HNRNPR: variants seen among roughly 807,000 people sequenced by gnomAD.
HNRNPR encodes the protein heterogeneous nuclear ribonucleoprotein R.
HNRNPR carries 4 observed loss-of-function variants against 70.3 expected under a neutral mutation model. That is an observed-to-expected ratio of 0.06 (90% confidence interval 0.03 to 0.13). The LOEUF (loss-of-function observed/expected upper bound fraction) is 0.13. Ranked by LOEUF, HNRNPR falls within the 10% of genes least tolerant of loss-of-function variation. HNRNPR has a pLI of 1.00. For synonymous variants in HNRNPR, 241 were observed against 267.6 expected (o/e 0.90, Z 0.97); for missense variants, 423 against 788.5 (o/e 0.54, Z 5.55).
rs1009070353 is a variant in HNRNPR, at chr1:23,309,083, T to C, written c.*1371A>G. 1 of 152,040 alleles carries C rather than the reference T, an allele frequency of 6.6e-6. No homozygotes were observed. The highest frequency in any genetic ancestry group is 2.4e-5 in the African/African-American group (1 of 41,422). The allele number at this position is 152,040 out of a possible 1,614,324, so 9.4% of individuals were successfully genotyped here. A position where few individuals can be genotyped will look rare whatever the true frequency, so the allele number is the denominator to read the frequency against. ...AATAAATCAGAATTTCTAAAGGAAA[T>C]AGGGAAATAGATGTTATGTCTTGGC... On this transcript the variant is annotated 3_prime_UTR_variant, in exon 11 of 11. Transcript: ENST00000302271.
intron 5 of HNRNPR, among the ~76,000 whole-genome samples, chr1:23,331,635 C>T (rs932271760): frequency 5.3e-5 from 8 of 150,488 alleles, no homozygotes; most frequent in African/African-American, 1.5e-4. Context: ...TGCAGTGAGA[C>T]GAAATTGCAC....
intron 10 of HNRNPR, 21 bp from the exon 11 acceptor site, chr1:23,311,087 G>A (rs1180409031): frequency 1.2e-6 from 2 of 1,606,720 alleles, no homozygotes; most frequent in South Asian, 2.2e-5. Flanking sequence ...AGAGAAGGGA[G>A]AAAAGAAAAA....
chr1:23,313,048 A>G (rs1645396296), intron 9 of HNRNPR, among the ~76,000 whole-genome samples: 1 of 152,212 alleles, frequency 6.6e-6, no homozygotes, highest in Non-Finnish European at 1.5e-5. Flanking sequence ...TGATATCTCT[A>G]ACAATTACCG....
chr1:23,321,027 G>A (rs1317955032), intron 7 of HNRNPR, among the ~76,000 whole-genome samples: 4 of 152,124 alleles, frequency 2.6e-5, no homozygotes, highest in South Asian at 4.2e-4. Context: ...TTAGCCAGGC[G>A]TGGTGGCACA....
intron 7 of HNRNPR, among the ~76,000 whole-genome samples, chr1:23,320,956 C>T (rs1294022928): frequency 6.6e-6 from 1 of 151,992 alleles, no homozygotes; most frequent in African/African-American, 2.4e-5. Flanking sequence ...CACCAGAGGT[C>T]GGGAGTTCTA....
intron 5 of HNRNPR, among the ~76,000 whole-genome samples, chr1:23,327,995 C>CAAAAAAAAA: frequency 8.4e-6 from 1 of 118,754 alleles, no homozygotes; most frequent in Non-Finnish European, 1.7e-5. Context: ...GACTCTGTCT[C>CAAAAAAAAA]AAAAAAAAAA....
Position 23,305,005 on chromosome 1 carries a change from A to G in HNRNPR, c.*5449T>C, listed in dbSNP as rs1191924072. The G allele has an allele frequency of 6.6e-6, 1 of 152,216 alleles. No individual in the cohort carries two copies. Among genetic ancestry groups the G allele is most frequent in the Non-Finnish European group, 1.5e-5 (1 of 68,038 alleles). The allele number at this position is 152,216 out of a possible 1,614,324, so 9.4% of individuals were successfully genotyped here. Reference sequence around the variant, plus strand: ...GAGAAGTCCCTTTTGCCCAACCCTCATATGTGAGAAATCAAGAAAAGCAAT... The same window carrying G: ...GAGAAGTCCCTTTTGCCCAACCCTCGTATGTGAGAAATCAAGAAAAGCAAT... On this transcript the variant is annotated 3_prime_UTR_variant, in exon 11 of 11. Coordinates refer to ENST00000302271, the MANE Select transcript of HNRNPR (RefSeq NM_005826.5).
Position 23,309,755 on chromosome 1 carries a change from T to C in HNRNPR, c.*699A>G, listed in dbSNP as rs1258106685. 5 of 152,718 alleles carry C rather than the reference T, an allele frequency of 3.3e-5. No individual in the cohort carries two copies. Among genetic ancestry groups the C allele is most frequent in the Admixed American group, 2.0e-4 (3 of 15,310 alleles). The allele number at this position is 152,718 out of a possible 1,614,324, so 9.5% of individuals were successfully genotyped here. A position where few individuals can be genotyped will look rare whatever the true frequency, so the allele number is the denominator to read the frequency against. ...GCAAGGATTACGAATAAAATAATGTTTTAGGACACAATTGAATTTGAAATA... is the reference window on the plus strand; with the variant it reads ...GCAAGGATTACGAATAAAATAATGTCTTAGGACACAATTGAATTTGAAATA... On this transcript the variant is annotated 3_prime_UTR_variant, in exon 11 of 11. Transcript: ENST00000302271.
At chr1:23,341,765 G>C (rs1231363582) in intron 1 of HNRNPR, among the ~76,000 whole-genome samples, 1 of 152,024 alleles carries the variant, frequency 6.6e-6, no homozygotes, top group African/African-American at 2.4e-5. Flanking sequence ...GTAAAATAAA[G>C]ATGTAAAAAC....
chr1:23,330,052 A>T (rs1646151649), intron 5 of HNRNPR, among the ~76,000 whole-genome samples: 1 of 152,198 alleles, frequency 6.6e-6, no homozygotes, highest in Admixed American at 6.5e-5. Context: ...AAAGTCATAT[A>T]CTTTAGGGCT....
At position 23,338,538 on chromosome 1, in the gene HNRNPR, A is replaced by T; in HGVS notation, c.228T>A (p.Ala76=). The T allele has an allele frequency of 6.3e-7, 1 of 1,599,346 alleles. No individual in the cohort carries two copies. The highest frequency in any genetic ancestry group is 8.5e-7 in the Non-Finnish European group (1 of 1,171,572). The stretch of plus-strand genomic sequence containing the variant: ...CCTTGAACTGCTGTAGTACAGACAG[A>T]GCTCCTTCTTCATTAAATTCCCTGA... The part of the protein sequence containing the change: ...DALREFNEEG[A]LSVLQQFKES... Residue 76 remains alanine (A), a synonymous_variant, in exon 3 of 11, where the codon GCT becomes GCA. Transcript: ENST00000302271.
chr1:23,315,900 A>C (rs1370600036), intron 8 of HNRNPR, among the ~76,000 whole-genome samples: 1 of 152,238 alleles, frequency 6.6e-6, no homozygotes, highest in African/African-American at 2.4e-5. Flanking sequence ...CCACTGGTTT[A>C]GTTGCTTTTT....
chr1:23,312,148 G>T (rs1292116524), intron 9 of HNRNPR, among the ~76,000 whole-genome samples: 1 of 152,102 alleles, frequency 6.6e-6, no homozygotes, highest in East Asian at 1.9e-4. Flanking sequence ...TTCTATTGGA[G>T]CTATCAGTGA....
At chr1:23,339,103 CAA>C (rs1476037233) in intron 2 of HNRNPR, among the ~76,000 whole-genome samples, 2 of 152,290 alleles carry the variant, frequency 1.3e-5, no homozygotes, top group African/African-American at 2.4e-5. Flanking sequence ...TTCCACTCTC[CAA>C]AAAGTGTCAA....
intron 1 of HNRNPR, 96 bp from the exon 2 acceptor site, chr1:23,341,113 C>T (rs147187001): frequency 7.2e-6 from 6 of 838,806 alleles, no homozygotes; most frequent in African/African-American, 3.5e-5. Context: ...TGTATACATG[C>T]TGCTAATAAC....
Position 23,307,366 on chromosome 1 carries a change from T to C in HNRNPR, c.*3088A>G, listed in dbSNP as rs1268615189. On this transcript the variant is annotated 3_prime_UTR_variant, in exon 11 of 11. Transcript: ENST00000302271. Reference sequence around the variant, plus strand: ...TTAGAATTTAAAATATATAATTTATTTTTTTGCATGCTGACCTTTTTAAAA... The same window carrying C: ...TTAGAATTTAAAATATATAATTTATCTTTTTGCATGCTGACCTTTTTAAAA... 3 of 152,002 alleles carry C rather than the reference T, an allele frequency of 2.0e-5. No homozygotes were observed. Among genetic ancestry groups the C allele is most frequent in the Non-Finnish European group, 4.4e-5 (3 of 67,946 alleles). 9.4% of individuals were successfully genotyped at this position (152,002 alleles called of 1,614,324 possible). A position where few individuals can be genotyped will look rare whatever the true frequency, so the allele number is the denominator to read the frequency against.
At chr1:23,321,712 A>G (rs1645765105) in intron 6 of HNRNPR, 49 bp from the exon 7 acceptor site, 1 of 1,542,420 alleles carries the variant, frequency 6.5e-7, no homozygotes, top group Non-Finnish European at 8.7e-7. Flanking sequence ...CAAACTCAGG[A>G]CAATTGATCT....
intron 6 of HNRNPR, among the ~76,000 whole-genome samples, chr1:23,321,898 A>C (rs1645774620): frequency 6.6e-6 from 1 of 152,150 alleles, no homozygotes; most frequent in Admixed American, 6.5e-5. Context: ...GACTCACTTT[A>C]TTGTTTAAAA....
chr1:23,313,530 A>T (rs1014360200), intron 9 of HNRNPR, 23 bp downstream of exon 9: 18 of 1,515,668 alleles, frequency 1.2e-5, no homozygotes, highest in Non-Finnish European at 1.4e-5. Context: ...AAATATCAAG[A>T]ACCAAAATTT....
Sources: gnomAD v4.1 joint callset for allele counts (sites outside exome capture counted in the v4.1 genomes callset) on GRCh38, gnomAD v4.1.1 for gene constraint, MANE v1.5 for transcripts, NCBI Gene and HGNC (gene_info 2026-07-23, HGNC 2026-07-21) for gene names.